Variants in IL20RA observed in about 807,000 individuals in gnomAD.
IL20RA encodes interleukin 20 receptor subunit alpha, also known as interleukin-20 receptor subunit alpha.
IL20RA carries 29 observed loss-of-function variants against 36.5 expected under a neutral mutation model. The observed-to-expected ratio is 0.79, with a 90% CI of 0.59 to 1.08. IL20RA has a LOEUF of 1.08. IL20RA is among the 50% of genes least tolerant of loss of function. IL20RA has a pLI of 0.00. For synonymous variants in IL20RA, 279 were observed against 267.1 expected (o/e 1.04, Z -0.43); for missense variants, 652 against 668.4 (o/e 0.98, Z 0.27).
At chr6:137,008,854 A>G (rs1448674464) in intron 4 of IL20RA, 111 bp from the exon 5 acceptor site, 2 of 460,660 alleles carry the variant, frequency 4.3e-6, no homozygotes, top group Non-Finnish European at 7.1e-6. Context: ...ATTCTTTACT[A>G]TCAGTATAAG....
intron 1 of IL20RA, among the ~76,000 whole-genome samples, chr6:137,025,646 A>T (rs1278001821): frequency 6.6e-6 from 1 of 152,214 alleles, no homozygotes; most frequent in East Asian, 1.9e-4. Context: ...GGGTAAATTT[A>T]TCATTAGTGG....
intron 1 of IL20RA, among the ~76,000 whole-genome samples, chr6:137,030,141 C>T (rs185123509): frequency 1.7e-5 from 2 of 119,036 alleles, no homozygotes; most frequent in East Asian, 5.8e-4. Context: ...AGTGCAGTGG[C>T]ATGATCATAG....
intron 1 of IL20RA, among the ~76,000 whole-genome samples, 155 bp from the exon 2 acceptor site, chr6:137,017,258 G>A (rs1405885417): frequency 6.6e-6 from 1 of 152,238 alleles, no homozygotes; most frequent in Non-Finnish European, 1.5e-5. Context: ...ATGTGGCAGA[G>A]GTGGCTCTGG....
intron 6 of IL20RA, among the ~76,000 whole-genome samples, chr6:137,004,019 C>T (rs972089514): frequency 1.3e-5 from 2 of 152,046 alleles, no homozygotes; most frequent in African/African-American, 2.4e-5. Context: ...TTCTAGTCCT[C>T]GACTAGGCTT....
At chr6:137,023,812 G>T (rs1775993587) in intron 1 of IL20RA, among the ~76,000 whole-genome samples, 1 of 152,192 alleles carries the variant, frequency 6.6e-6, no homozygotes. Context: ...AATAGAATTA[G>T]CCCAGGTGTG....
At chr6:137,039,456 C>A (rs1021813329) in intron 1 of IL20RA, among the ~76,000 whole-genome samples, 1 of 152,130 alleles carries the variant, frequency 6.6e-6, no homozygotes, top group African/African-American at 2.4e-5. Flanking sequence ...AGAAGACATG[C>A]TTTTTTGATA....
chr6:137,023,213 G>A (rs1271570536), intron 1 of IL20RA, among the ~76,000 whole-genome samples: 2 of 151,914 alleles, frequency 1.3e-5, no homozygotes, highest in African/African-American at 4.8e-5. Context: ...TGGAGTGGTG[G>A]GTCACAGAAC....
At position 137,001,918 on chromosome 6, in the gene IL20RA, C is replaced by T. The variant is rs1490255711; in HGVS notation, c.1302G>A (p.Ser434=). 1.2e-6 allele frequency: 2 copies of T among 1,613,968 alleles called. No individual in the cohort carries two copies. The highest frequency in any genetic ancestry group is 8.5e-7 in the Non-Finnish European group (1 of 1,180,002). The change falls in exon 7 of 7, where the codon TCG becomes TCA. Residue 434 remains serine (S), a synonymous_variant. Coordinates refer to ENST00000316649, the MANE Select transcript of IL20RA (RefSeq NM_014432.4). ...EVSTQGTLLE[S]QAALAVLGPQ... ...GGCCCAAGACTGCCAACGCTGCCTG[C>T]GACTCCAATAATGTTCCTTGTGTGG...
intron 1 of IL20RA, chr6:137,044,359 A>C: frequency 1.9e-6 from 2 of 1,026,746 alleles, no homozygotes; most frequent in South Asian, 4.7e-5. Context: ...CCCCCACCGA[A>C]CTCCCCCCAC....
At chr6:137,004,174 T>TGTTTTTTTTTTTGTTTTTTTTTTTTTG (rs548602821) in intron 6 of IL20RA, among the ~76,000 whole-genome samples, 1 of 124,450 alleles carries the variant, frequency 8.0e-6, no homozygotes, top group African/African-American at 3.1e-5. Context: ...TTTTTTTTTT[T>TGTTTTTTTTTTTGTTTTTTTTTTTTTG]TTTTTTTTTT....
intron 1 of IL20RA, among the ~76,000 whole-genome samples, chr6:137,034,400 ATATTT>A (rs961003913): frequency 2.0e-5 from 3 of 152,080 alleles, no homozygotes; most frequent in Admixed American, 6.5e-5. Flanking sequence ...TTTATTTTTT[ATATTT>A]TATTTTATTT....
chr6:137,029,006 A>G (rs910240287), intron 1 of IL20RA, among the ~76,000 whole-genome samples: 1 of 152,228 alleles, frequency 6.6e-6, no homozygotes, highest in Non-Finnish European at 1.5e-5. Context: ...TTGCCACTCA[A>G]TGGGATATTC....
At chr6:137,014,792 G>T (rs1448982931) in intron 2 of IL20RA, among the ~76,000 whole-genome samples, 1 of 150,992 alleles carries the variant, frequency 6.6e-6, no homozygotes, top group Admixed American at 6.6e-5. Flanking sequence ...TTTAGTCTTA[G>T]TTCTACACTG....
chr6:137,017,441 C>T (rs571332371), intron 1 of IL20RA, among the ~76,000 whole-genome samples: 1 of 152,250 alleles, frequency 6.6e-6, no homozygotes, highest in South Asian at 2.1e-4. Flanking sequence ...GTTACTGTGG[C>T]CATTCTAGCC....
intron 5 of IL20RA, among the ~76,000 whole-genome samples, chr6:137,008,101 A>G (rs1157731885): frequency 6.6e-6 from 1 of 151,912 alleles, no homozygotes; most frequent in African/African-American, 2.4e-5. Context: ...CCGAGTAGCT[A>G]GGACTACAGG....
chr6:137,003,122 T>G (rs1775142601), intron 6 of IL20RA, among the ~76,000 whole-genome samples: 2 of 152,194 alleles, frequency 1.3e-5, no homozygotes, highest in South Asian at 4.1e-4. Flanking sequence ...TCAGCCTCAA[T>G]CTTTTACAAC....
intron 1 of IL20RA, among the ~76,000 whole-genome samples, chr6:137,018,648 G>A (rs939671023): frequency 2.6e-5 from 4 of 151,850 alleles, no homozygotes; most frequent in Non-Finnish European, 5.9e-5. Context: ...AGTGGTGTTG[G>A]TATTTTCTGG....
chr6:137,029,351 T>C (rs978949211), intron 1 of IL20RA, among the ~76,000 whole-genome samples: 1 of 151,878 alleles, frequency 6.6e-6, no homozygotes, highest in Non-Finnish European at 1.5e-5. Context: ...CTATTAATAA[T>C]ATGAAATTAG....
At chr6:137,039,326 A>T (rs972750151) in intron 1 of IL20RA, among the ~76,000 whole-genome samples, 1 of 152,220 alleles carries the variant, frequency 6.6e-6, no homozygotes, top group Non-Finnish European at 1.5e-5. Flanking sequence ...TGTTGGGTAC[A>T]TGATACTCTC....
Sources: allele counts gnomAD v4.1 joint callset (sites outside exome capture counted in the v4.1 genomes callset), GRCh38; gene constraint gnomAD v4.1.1; transcripts MANE v1.5; gene names NCBI Gene and HGNC (gene_info 2026-07-23, HGNC 2026-07-21).